Variants in XKR4 observed in about 807,000 individuals in gnomAD.
The protein encoded by XKR4 is XK related 4, also known as XK-related protein 4.
Under a neutral mutation model 53.9 loss-of-function variants are expected in XKR4, and 12 were observed. The ratio of observed to expected loss-of-function variants is 0.22; its 90% CI spans 0.14 to 0.36. The LOEUF (loss-of-function observed/expected upper bound fraction) is 0.36, where lower values mean the gene tolerates loss of function less well. Among genes scored for constraint, XKR4 ranks in the 10% least tolerant of loss-of-function variants. XKR4 has a pLI of 1.00. For synonymous variants in XKR4, 354 were observed against 362.4 expected, an observed-to-expected ratio of 0.98 and a Z score of 0.26; for missense variants, 799 against 859.5, an observed-to-expected ratio of 0.93 and a Z score of 0.88.
chr8:55,301,719 T>G lies in XKR4; in HGVS notation c.807-55959T>G, dbSNP rs927620544. On this transcript the variant is annotated intron_variant, in intron 1 of 2. Transcript: ENST00000327381. ...GGTGTGAGATGGTATCTCATTGTGG[T>G]TTTGATTTGCATTTCTCTGATGGCC... is the stretch of plus-strand genomic sequence containing the variant. 7.5e-3 allele frequency among the ~76,000 whole-genome samples: 1,145 copies of G among 152,314 alleles called. 11 individuals are homozygous for G. Among genetic ancestry groups the G allele is most frequent in the Non-Finnish European group, 0.011 (781 of 68,014 alleles).
At chr8:55,211,683 C>G (rs775894069) in intron 1 of XKR4, among the ~76,000 whole-genome samples, 1 of 152,080 alleles carries the variant, frequency 6.6e-6, no homozygotes, top group Non-Finnish European at 1.5e-5. Context: ...TTTAGAGTTA[C>G]GTTTAAAGTA....
chr8:55,135,471 C>A, intron 1 of XKR4: 1 of 385,784 alleles, frequency 2.6e-6, no homozygotes, highest in South Asian at 1.9e-5. Context: ...CCCCCCAAAT[C>A]ATATCTGAAT....
At chr8:55,115,381 T>TAC (rs34839811) in intron 1 of XKR4, among the ~76,000 whole-genome samples, 84,944 of 149,440 alleles carry the variant, frequency 0.57, 24,284 homozygotes, top group Middle Eastern at 0.67. Context: ...GATAGGTGCA[T>TAC]ACACACACAC....
At chr8:55,428,822 G>C (rs942859826) in intron 2 of XKR4, among the ~76,000 whole-genome samples, 2 of 152,192 alleles carry the variant, frequency 1.3e-5, no homozygotes, top group Non-Finnish European at 2.9e-5. Flanking sequence ...TTAATTTTAA[G>C]ACTCAACATA....
At chr8:55,460,385 G>T (rs1039412088) in intron 2 of XKR4, among the ~76,000 whole-genome samples, 1 of 152,288 alleles carries the variant, frequency 6.6e-6, no homozygotes, top group Non-Finnish European at 1.5e-5. Context: ...CAAAATCATT[G>T]AACCATATGC....
rs1373694336 is a variant in XKR4, at chr8:55,530,637, C to A, written c.*6410C>A. On this transcript the variant is annotated 3_prime_UTR_variant, in exon 3 of 3. Transcript: ENST00000327381. ...CTGGTGTTTATTTTTAAAAAATCTTCAATGATCAATATGAATGTAGTGTAT... is the reference window on the plus strand; with the variant it reads ...CTGGTGTTTATTTTTAAAAAATCTTAAATGATCAATATGAATGTAGTGTAT... 4 of 152,226 alleles carry A rather than the reference C, an allele frequency of 2.6e-5. No homozygotes were observed. The highest frequency in any genetic ancestry group is 2.6e-4 in the Admixed American group (4 of 15,276). 9.4% of individuals were successfully genotyped at this position (152,226 alleles called of 1,614,324 possible).
chr8:55,276,562 T>C (rs1818766856), intron 1 of XKR4, among the ~76,000 whole-genome samples: 3 of 152,212 alleles, frequency 2.0e-5, no homozygotes, highest in Admixed American at 1.3e-4. Context: ...AATTTGTAGA[T>C]AGAGATGCAA....
At chr8:55,381,128 A>G (rs1343866494) in intron 2 of XKR4, among the ~76,000 whole-genome samples, 25 of 152,224 alleles carry the variant, frequency 1.6e-4, no homozygotes, top group Admixed American at 1.6e-3. Flanking sequence ...TAAAAAATCC[A>G]GATTTATTGG....
chr8:55,314,812 C>G (rs1254894884), intron 1 of XKR4, among the ~76,000 whole-genome samples: 1 of 152,124 alleles, frequency 6.6e-6, no homozygotes, highest in South Asian at 2.1e-4. Flanking sequence ...TTCCCATCCG[C>G]AAAATGGTGA....
intron 1 of XKR4, among the ~76,000 whole-genome samples, chr8:55,174,558 A>C (rs953349784): frequency 2.6e-5 from 4 of 152,258 alleles, no homozygotes; most frequent in Non-Finnish European, 5.9e-5. Flanking sequence ...TAAAAAAAAA[A>C]TACAGCAACC....
At chr8:55,518,473 C>T (rs1001860184) in intron 2 of XKR4, among the ~76,000 whole-genome samples, 1 of 152,120 alleles carries the variant, frequency 6.6e-6, no homozygotes, top group Admixed American at 6.6e-5. Context: ...AAGTATTTAT[C>T]CCCGCCTAAA....
rs938505405 is a variant in XKR4 at position 55,319,524 on chromosome 8, T to G, written c.807-38154T>G. Among the ~76,000 whole-genome samples, 6 of 152,336 alleles carry G rather than the reference T, an allele frequency of 3.9e-5. No homozygotes were observed. In the South Asian group the frequency reaches 1.2e-3, roughly 32 times the overall value. On this transcript the variant is annotated intron_variant, in intron 1 of 2. Coordinates refer to ENST00000327381, the MANE Select transcript of XKR4 (RefSeq NM_052898.2). ...TAAGGATAAAAAAATGAAGCAGTTA[T>G]TTTCTAATTTACATTGATTCATGGG...
intron 1 of XKR4, among the ~76,000 whole-genome samples, chr8:55,194,448 G>A (rs183282961): frequency 2.3e-4 from 35 of 152,232 alleles, no homozygotes; most frequent in South Asian, 1.7e-3. Flanking sequence ...CATATACCAC[G>A]ATTGCAGGAC....
rs1018614183 is a variant in XKR4 at position 55,452,001 on chromosome 8, G to A, written c.1007-71280G>A. The A allele has an allele frequency of 1.8e-5, 14 of 773,872 alleles. No individual in the cohort carries two copies. In the South Asian group the frequency reaches 1.9e-4, roughly 11 times the overall value. The allele number at this position is 773,872 out of a possible 1,614,324, so 47.9% of individuals were successfully genotyped here. ...GCGAGTGACATGCTGCCGCCCGATG[G>A]TCTTCTTGACGTTCTTAACCAGGTT... is the stretch of plus-strand genomic sequence containing the variant. On this transcript the variant is annotated intron_variant, in intron 2 of 2. Coordinates refer to ENST00000327381, the MANE Select transcript of XKR4 (RefSeq NM_052898.2).
chr8:55,515,398 C>T (rs761497473), intron 2 of XKR4, among the ~76,000 whole-genome samples: 1 of 152,116 alleles, frequency 6.6e-6, no homozygotes, highest in Non-Finnish European at 1.5e-5. Context: ...TAGAGGTTGT[C>T]GTGTTTTTTT....
At chr8:55,462,706 C>T (rs1012597481) in intron 2 of XKR4, among the ~76,000 whole-genome samples, 17 of 152,250 alleles carry the variant, frequency 1.1e-4, no homozygotes, top group South Asian at 6.2e-4. Context: ...CAAGACCCAT[C>T]GGTGTGCTGT....
intron 1 of XKR4, among the ~76,000 whole-genome samples, chr8:55,351,482 CA>C (rs1803721478): frequency 6.6e-6 from 1 of 152,116 alleles, no homozygotes; most frequent in Non-Finnish European, 1.5e-5. Flanking sequence ...CCTATAGAAA[CA>C]AACAGCTGGG....
intron 1 of XKR4, among the ~76,000 whole-genome samples, chr8:55,348,691 TACACAC>T (rs796321076): frequency 1.5e-3 from 202 of 136,214 alleles, no homozygotes; most frequent in African/African-American, 5.2e-3. Flanking sequence ...CAGACAAACA[TACACAC>T]ACACACACAC....
chr8:55,509,025 C>T (rs1210020666), intron 2 of XKR4, among the ~76,000 whole-genome samples: 1 of 152,158 alleles, frequency 6.6e-6, no homozygotes, highest in Non-Finnish European at 1.5e-5. Flanking sequence ...TCAATGTATA[C>T]TATTTAATTC....
Sources: allele counts gnomAD v4.1 joint callset (sites outside exome capture counted in the v4.1 genomes callset), GRCh38; gene constraint gnomAD v4.1.1; transcripts MANE v1.5; gene names NCBI Gene and HGNC (gene_info 2026-07-23, HGNC 2026-07-21).